Variants in ARHGAP6 observed in about 807,000 individuals in gnomAD.
ARHGAP6 encodes Rho GTPase activating protein 6.
ARHGAP6 carries 16 observed loss-of-function variants against 55.7 expected under a neutral mutation model. The observed-to-expected ratio is 0.29, with a 90% CI of 0.19 to 0.44. The LOEUF is 0.44. Among genes scored for constraint, ARHGAP6 ranks in the 20% least tolerant of loss-of-function variants. ARHGAP6 has a pLI of 1.00. For synonymous variants in ARHGAP6, 382 were observed against 360.9 expected (o/e 1.06, Z -0.66); for missense variants, 698 against 808.9 (o/e 0.86, Z 1.66).
chrX:11,439,961 A>T (rs903417184), intron 1 of ARHGAP6, among the ~76,000 whole-genome samples: 5 of 112,676 alleles, frequency 4.4e-5, no homozygotes, highest in Admixed American at 3.8e-4. Context: ...CCTAAGTGTT[A>T]TTGGAAGCCA....
intron 1 of ARHGAP6, among the ~76,000 whole-genome samples, chrX:11,256,665 G>A (rs1569275125): frequency 8.9e-6 from 1 of 111,925 alleles, no homozygotes; most frequent in Non-Finnish European, 1.9e-5. Context: ...AATGATAACT[G>A]CTAGGAAGGA....
At position 11,280,193 on chromosome X, in the gene ARHGAP6, G is replaced by C. The variant is rs1250434340; in HGVS notation, c.589-25486C>G. On this transcript the variant is annotated intron_variant, in intron 1 of 12. Coordinates refer to ENST00000337414, the MANE Select transcript of ARHGAP6 (RefSeq NM_013427.3). ...TCCCAATGTCAGCTCATTCTGAATGGGACATTTTTTGGTAAGACATGCAAA... is the reference window on the plus strand; with the variant it reads ...TCCCAATGTCAGCTCATTCTGAATGCGACATTTTTTGGTAAGACATGCAAA... 3.6e-5 allele frequency among the ~76,000 whole-genome samples: 4 copies of C among 111,752 alleles called. No homozygotes were observed. The Admixed American group carries it at 3.8e-4, about 11-fold the overall frequency.
chrX:11,290,358 C>A (rs2047973195), intron 1 of ARHGAP6: 1 of 353,279 alleles, frequency 2.8e-6, no homozygotes, highest in Admixed American at 3.1e-5. Flanking sequence ...CCAAGGAGCT[C>A]CCAAGAAAGT....
intron 1 of ARHGAP6, among the ~76,000 whole-genome samples, chrX:11,594,532 C>T (rs371323796): frequency 1.6e-4 from 18 of 111,124 alleles, no homozygotes; most frequent in African/African-American, 5.9e-4. Context: ...AGGAGGTGAG[C>T]GTTGCGTGAG....
chrX:11,159,584 A>G (rs1437715433), intron 9 of ARHGAP6, among the ~76,000 whole-genome samples: 1 of 111,141 alleles, frequency 9.0e-6, no homozygotes, highest in African/African-American at 3.3e-5. Context: ...GGTTTGGAGA[A>G]GCTGCAGGAG....
chrX:11,546,985 G>A (rs2051217652), intron 1 of ARHGAP6, among the ~76,000 whole-genome samples: 1 of 112,533 alleles, frequency 8.9e-6, no homozygotes, highest in Admixed American at 9.4e-5. Context: ...TTTTAGAAAT[G>A]CAAGAATTAC....
At chrX:11,371,432 C>A (rs1486100560) in intron 1 of ARHGAP6, among the ~76,000 whole-genome samples, 1 of 112,132 alleles carries the variant, frequency 8.9e-6, no homozygotes, top group Non-Finnish European at 1.9e-5. Context: ...TATTTACTAT[C>A]TGGTCTTAAC....
At chrX:11,473,484 G>A (rs188397359) in intron 1 of ARHGAP6, among the ~76,000 whole-genome samples, 157 of 111,456 alleles carry the variant, frequency 1.4e-3, no homozygotes, top group Non-Finnish European at 2.5e-3. Context: ...AAAAAGGAGG[G>A]GACACATACA....
chrX:11,357,642 ATATGGG>A (rs2048948257), intron 1 of ARHGAP6, among the ~76,000 whole-genome samples: 2 of 111,291 alleles, frequency 1.8e-5, no homozygotes, highest in African/African-American at 6.5e-5. Flanking sequence ...TACTTTTTGG[ATATGGG>A]GTCTCTCTGG....
intron 1 of ARHGAP6, among the ~76,000 whole-genome samples, chrX:11,632,235 C>T (rs947638028): frequency 8.9e-6 from 1 of 112,540 alleles, no homozygotes; most frequent in African/African-American, 3.2e-5. Flanking sequence ...CTAGCAAAGA[C>T]ATTAGATTAA....
At chrX:11,581,581 G>A (rs2051667002) in intron 1 of ARHGAP6, among the ~76,000 whole-genome samples, 1 of 111,697 alleles carries the variant, frequency 9.0e-6, no homozygotes, top group Non-Finnish European at 1.9e-5. Context: ...AGATTATTCT[G>A]CCATGCAAAG....
In ARHGAP6 at chrX:11,186,254, G is replaced by T. The variant is rs1404266777; in HGVS notation, c.1255C>A (p.Gln419Lys). 8 of 1,208,198 alleles carry T rather than the reference G, an allele frequency of 6.6e-6. No individual in the cohort carries two copies. The African/African-American group carries it at 1.0e-4, about 16-fold the overall frequency. ...TACTTACCATGTTTTTCTAGGTGCT[G>T]ACAGCAGCTGTCCACCAGCCTAGGG... ...QVPRLVDSCC[Q>K]HLEKHGLQTV... The change falls in exon 5 of 13, where the codon CAG becomes AAG. Residue 419 changes from glutamine to lysine, a missense_variant. Gln to Lys is a moderately conservative substitution (Grantham distance 53). Coordinates refer to ENST00000337414, the MANE Select transcript of ARHGAP6 (RefSeq NM_013427.3).
At chrX:11,569,853 CAG>C (rs2051491865) in intron 1 of ARHGAP6, among the ~76,000 whole-genome samples, 1 of 112,313 alleles carries the variant, frequency 8.9e-6, no homozygotes, top group Non-Finnish European at 1.9e-5. Context: ...GTTGCTGCCA[CAG>C]AGTCTTCCCT....
intron 1 of ARHGAP6, among the ~76,000 whole-genome samples, chrX:11,482,625 T>C (rs1193351610): frequency 9.0e-6 from 1 of 111,561 alleles, no homozygotes; most frequent in Non-Finnish European, 1.9e-5. Context: ...TGGACTGTCA[T>C]GGACCCTGTG....
At chrX:11,594,758 C>A (rs1049117817) in intron 1 of ARHGAP6, among the ~76,000 whole-genome samples, 3 of 111,911 alleles carry the variant, frequency 2.7e-5, no homozygotes, top group Non-Finnish European at 3.8e-5. Flanking sequence ...AACCAATTCC[C>A]GGTACCAAAA....
intron 1 of ARHGAP6, among the ~76,000 whole-genome samples, chrX:11,598,419 T>A (rs956421292): frequency 8.9e-6 from 1 of 112,225 alleles, no homozygotes; most frequent in East Asian, 2.8e-4. Context: ...GTGGTACCTA[T>A]GCAGGCTTGC....
intron 12 of ARHGAP6, among the ~76,000 whole-genome samples, chrX:11,140,417 C>CAAA (rs1211125181): frequency 0.042 from 1,737 of 41,379 alleles, 65 homozygotes; most frequent in African/African-American, 0.11. Flanking sequence ...GACTCCGTCA[C>CAAA]AAAAAAAAAA....
intron 1 of ARHGAP6, among the ~76,000 whole-genome samples, chrX:11,556,908 C>T (rs2051325052): frequency 1.8e-5 from 2 of 111,642 alleles, no homozygotes; most frequent in Admixed American, 9.5e-5. Flanking sequence ...ATGTCTGTAC[C>T]CCAATAACTT....
chrX:11,440,995 T>C (rs2050033809), intron 1 of ARHGAP6, among the ~76,000 whole-genome samples: 1 of 111,961 alleles, frequency 8.9e-6, no homozygotes, highest in African/African-American at 3.3e-5. Flanking sequence ...CACTGTGATG[T>C]AGTATTTCAA....
Sources: allele counts gnomAD v4.1 joint callset (sites outside exome capture counted in the v4.1 genomes callset), GRCh38; gene constraint gnomAD v4.1.1; transcripts MANE v1.5; gene names NCBI Gene and HGNC (gene_info 2026-07-23, HGNC 2026-07-21).